The following CDH2 variants were observed in gnomAD, a reference collection of about 807,000 sequenced individuals.
The protein encoded by CDH2 is cadherin 2.
CDH2 carries 17 observed loss-of-function variants against 92.0 expected under a neutral mutation model. The observed-to-expected ratio is 0.18, with a 90% CI of 0.13 to 0.28. CDH2 has a LOEUF of 0.28. Among genes scored for constraint, CDH2 ranks in the 10% least tolerant of loss-of-function variants. The pLI is 1.00. For synonymous variants in CDH2, 419 were observed against 415.9 expected, an observed-to-expected ratio of 1.01 and a Z score of -0.09; for missense variants, 862 against 1,133.1, an observed-to-expected ratio of 0.76 and a Z score of 3.44.
At chr18:28,089,522 T>C (rs1198777148) in intron 2 of CDH2, among the ~76,000 whole-genome samples, 2 of 152,184 alleles carry the variant, frequency 1.3e-5, no homozygotes, top group African/African-American at 2.4e-5. Context: ...ATCATTTTTT[T>C]AACAAAAAAT....
At position 27,984,971 on chromosome 18, in the gene CDH2, GAAATCTAAAAGACAATA is replaced by G. The variant is rs770870488; in HGVS notation, c.2209+12_2209+28del. 1.3e-6 allele frequency: 2 copies of G among 1,549,074 alleles called. No homozygotes were observed. The highest frequency in any genetic ancestry group is 8.9e-7 in the Non-Finnish European group (1 of 1,122,094). On this transcript the variant is annotated intron_variant, in intron 13 of 15. Coordinates refer to ENST00000269141, the MANE Select transcript of CDH2 (RefSeq NM_001792.5). ...GAACATCCTAGAAGCCAAGAGAACTGAAATCTAAAAGACAATAAAAGTACTCACTAAGCAGGATGATG... is the reference window on the plus strand; with the variant it reads ...GAACATCCTAGAAGCCAAGAGAACTGAAAGTACTCACTAAGCAGGATGATG...
chr18:27,981,866 G>A (rs1287235541), intron 14 of CDH2, among the ~76,000 whole-genome samples: 3 of 152,072 alleles, frequency 2.0e-5, no homozygotes, highest in African/African-American at 7.2e-5. Context: ...TGTTATCCCC[G>A]ACATTTGCAT....
At chr18:28,001,935 G>C (rs1470922176) in intron 7 of CDH2, among the ~76,000 whole-genome samples, 1 of 152,184 alleles carries the variant, frequency 6.6e-6, no homozygotes, top group African/African-American at 2.4e-5. Context: ...TGGGTATAAT[G>C]TCTCCTTTTG....
chr18:27,989,916 T>C (rs929648772), intron 10 of CDH2, among the ~76,000 whole-genome samples, 181 bp downstream of exon 10: 1 of 152,244 alleles, frequency 6.6e-6, no homozygotes. Flanking sequence ...TACAGATATC[T>C]ATTTATATCT....
chr18:28,150,156 C>T (rs1356083620), intron 1 of CDH2, among the ~76,000 whole-genome samples: 1 of 152,220 alleles, frequency 6.6e-6, no homozygotes, highest in Non-Finnish European at 1.5e-5. Context: ...GAGTCTGCCT[C>T]TTCACCCTTC....
intron 1 of CDH2, among the ~76,000 whole-genome samples, chr18:28,174,848 T>A (rs1487224156): frequency 6.6e-6 from 1 of 152,146 alleles, no homozygotes; most frequent in African/African-American, 2.4e-5. Context: ...AAAATAACCA[T>A]CTGCTGCTGG....
intron 2 of CDH2, among the ~76,000 whole-genome samples, chr18:28,115,124 T>C (rs1148379): frequency 0.31 from 46,898 of 151,928 alleles, 7,838 homozygotes; most frequent in African/African-American, 0.42. Flanking sequence ...GTCTTCAACC[T>C]GTCCTTAAAG....
At chr18:28,149,672 T>C (rs1443818130) in intron 1 of CDH2, among the ~76,000 whole-genome samples, 1 of 152,174 alleles carries the variant, frequency 6.6e-6, no homozygotes, top group Admixed American at 6.5e-5. Flanking sequence ...AGCATAGTGA[T>C]AAACATGAAA....
chr18:28,080,661 T>C (rs2014812018), intron 2 of CDH2, among the ~76,000 whole-genome samples: 1 of 152,216 alleles, frequency 6.6e-6, no homozygotes, highest in Non-Finnish European at 1.5e-5. Flanking sequence ...ATGCTCATGC[T>C]AAGATTTAAA....
chr18:28,120,426 A>G (rs1196222178), intron 2 of CDH2, among the ~76,000 whole-genome samples: 1 of 152,080 alleles, frequency 6.6e-6, no homozygotes, highest in African/African-American at 2.4e-5. Flanking sequence ...AAATCACAGG[A>G]TGTTCAATAA....
At chr18:27,984,499 T>C (rs746835814) in intron 13 of CDH2, among the ~76,000 whole-genome samples, 6 of 152,204 alleles carry the variant, frequency 3.9e-5, no homozygotes, top group Admixed American at 1.3e-4. Context: ...ATGTCCTGTA[T>C]GTGAAGTACA....
At chr18:28,064,019 T>G (rs1336831379) in intron 2 of CDH2, among the ~76,000 whole-genome samples, 5 of 152,206 alleles carry the variant, frequency 3.3e-5, no homozygotes, top group African/African-American at 1.2e-4. Flanking sequence ...ATTGCCTGCC[T>G]GCAAGGCGTT....
intron 2 of CDH2, among the ~76,000 whole-genome samples, chr18:28,063,433 T>C (rs949018): frequency 0.32 from 48,508 of 152,120 alleles, 8,868 homozygotes; most frequent in Middle Eastern, 0.43. Context: ...AATTGTTCTG[T>C]GAAGGCTATG....
At chr18:28,106,473 G>GTTTTTT (rs34443556) in intron 2 of CDH2, among the ~76,000 whole-genome samples, 3 of 146,786 alleles carry the variant, frequency 2.0e-5, no homozygotes, top group Non-Finnish European at 3.0e-5. Flanking sequence ...ACTTACCAGA[G>GTTTTTT]TTTTTTTTTT....
chr18:28,134,731 T>C (rs560447765), intron 2 of CDH2, among the ~76,000 whole-genome samples: 2 of 152,082 alleles, frequency 1.3e-5, no homozygotes, highest in South Asian at 4.2e-4. Flanking sequence ...ACAAACAAAA[T>C]GTTCAGCAGC....
chr18:28,169,048 TAG>T (rs1462111875), intron 1 of CDH2, among the ~76,000 whole-genome samples: 1 of 152,132 alleles, frequency 6.6e-6, no homozygotes, highest in Non-Finnish European at 1.5e-5. Flanking sequence ...ACCTATCTCA[TAG>T]AGTTACAGAA....
At chr18:27,980,166 T>G (rs1194216431) in intron 14 of CDH2, among the ~76,000 whole-genome samples, 1 of 152,106 alleles carries the variant, frequency 6.6e-6, no homozygotes, top group African/African-American at 2.4e-5. Context: ...TCACCCAAAC[T>G]TTGAAGGAAA....
Position 28,119,322 on chromosome 18 carries a change from A to G in CDH2, c.172+28351T>C, listed in dbSNP as rs563168410. On this transcript the variant is annotated intron_variant, in intron 2 of 15. Transcript: ENST00000269141. Reference sequence around the variant, plus strand: ...ATGCACAGCCTGGCAAAGGACCACCATATGGGGAGCTTAATAAAGAGCCAA... The same window carrying G: ...ATGCACAGCCTGGCAAAGGACCACCGTATGGGGAGCTTAATAAAGAGCCAA... Among the ~76,000 whole-genome samples, 565 of 152,234 alleles carry G rather than the reference A, an allele frequency of 3.7e-3. 6 individuals are homozygous for G. The highest frequency in any genetic ancestry group is 0.013 in the African/African-American group (547 of 41,558).
chr18:28,070,716 G>C (rs949441377), intron 2 of CDH2, among the ~76,000 whole-genome samples: 3 of 152,230 alleles, frequency 2.0e-5, no homozygotes, highest in South Asian at 4.2e-4. Context: ...GTGTAACTGG[G>C]GACAACAAAG....
Sources: gnomAD v4.1 joint callset for allele counts (sites outside exome capture counted in the v4.1 genomes callset) on GRCh38, gnomAD v4.1.1 for gene constraint, MANE v1.5 for transcripts, NCBI Gene and HGNC (gene_info 2026-07-23, HGNC 2026-07-21) for gene names.